The following DSCAM variants were observed in gnomAD, a reference collection of about 807,000 sequenced individuals.
DSCAM encodes DS cell adhesion molecule, also known as cell adhesion molecule DSCAM.
DSCAM carries 47 observed loss-of-function variants against 217.7 expected under a neutral mutation model. The observed-to-expected ratio is 0.22, with a 90% CI of 0.17 to 0.28. The LOEUF (loss-of-function observed/expected upper bound fraction) is 0.28. DSCAM is among the 10% of genes least tolerant of loss of function. The pLI is 1.00. For missense variants in DSCAM, 2,080 were observed against 2,618.3 expected (o/e 0.79, Z 4.49); for synonymous variants, 1,056 against 1,015.3 (o/e 1.04, Z -0.76).
chr21:40,689,608 C>T (rs1242931053), intron 3 of DSCAM, among the ~76,000 whole-genome samples: 1 of 152,234 alleles, frequency 6.6e-6, no homozygotes, highest in Non-Finnish European at 1.5e-5. Flanking sequence ...CGCTTTTCTC[C>T]ATGGAAAGAA....
chr21:40,057,253 G>A (rs1416123235), intron 28 of DSCAM, among the ~76,000 whole-genome samples: 1 of 152,158 alleles, frequency 6.6e-6, no homozygotes, highest in Non-Finnish European at 1.5e-5. Flanking sequence ...TGGTCTCCAA[G>A]CTCTTTCAAA....
chr21:40,151,015 A>G (rs948449789), intron 16 of DSCAM, among the ~76,000 whole-genome samples: 3 of 152,116 alleles, frequency 2.0e-5, no homozygotes, highest in East Asian at 1.9e-4. Flanking sequence ...ATTGGAGAAG[A>G]CAAATTTCCT....
intron 1 of DSCAM, among the ~76,000 whole-genome samples, chr21:40,725,949 T>C (rs187188688): frequency 6.6e-6 from 1 of 152,146 alleles, no homozygotes; most frequent in East Asian, 1.9e-4. Context: ...AAAAAATGAA[T>C]TAAAAGGTTG....
chr21:40,648,812 T>C (rs191453981), intron 3 of DSCAM, among the ~76,000 whole-genome samples: 4 of 152,290 alleles, frequency 2.6e-5, no homozygotes, highest in African/African-American at 9.6e-5. Context: ...CCCTCTCCAC[T>C]GATAGCTGTT....
chr21:40,288,313 G>T (rs1343156243), intron 10 of DSCAM, among the ~76,000 whole-genome samples: 2 of 152,180 alleles, frequency 1.3e-5, no homozygotes, highest in Admixed American at 1.3e-4. Context: ...CATGGTATTG[G>T]CTGGGAAGAC....
intron 16 of DSCAM, among the ~76,000 whole-genome samples, chr21:40,149,360 C>T (rs2090395482): frequency 6.7e-6 from 1 of 149,044 alleles, no homozygotes; most frequent in South Asian, 2.2e-4. Context: ...CACCACCATC[C>T]ATTACTTCTT....
intron 27 of DSCAM, among the ~76,000 whole-genome samples, chr21:40,070,442 A>C (rs1232515348): frequency 6.8e-6 from 1 of 147,506 alleles, no homozygotes; most frequent in African/African-American, 2.7e-5. Context: ...AAAGACAAAG[A>C]GAAAGAAAGA....
chr21:40,844,472 C>A (rs1012531077), intron 1 of DSCAM, among the ~76,000 whole-genome samples: 2 of 152,242 alleles, frequency 1.3e-5, no homozygotes, highest in Admixed American at 6.5e-5. Flanking sequence ...GTAAAATATT[C>A]ATTTGTGTTT....
intron 3 of DSCAM, among the ~76,000 whole-genome samples, chr21:40,552,747 A>C (rs979106235): frequency 2.0e-5 from 3 of 152,174 alleles, no homozygotes; most frequent in Non-Finnish European, 2.9e-5. Flanking sequence ...CATATACACA[A>C]TGTTTATGTA....
intron 3 of DSCAM, among the ~76,000 whole-genome samples, chr21:40,649,634 T>TG (rs889625514): frequency 2.9e-5 from 4 of 140,196 alleles, no homozygotes; most frequent in African/African-American, 5.1e-5. Context: ...TATGCAGGGG[T>TG]GGAAAAAAAC....
chr21:40,696,652 G>C (rs1056635722), intron 2 of DSCAM, among the ~76,000 whole-genome samples: 1 of 152,094 alleles, frequency 6.6e-6, no homozygotes, highest in Non-Finnish European at 1.5e-5. Context: ...GATGCCAGTA[G>C]GGTCCACTGC....
At chr21:40,652,146 C>A (rs775182726) in intron 3 of DSCAM, among the ~76,000 whole-genome samples, 7 of 136,158 alleles carry the variant, frequency 5.1e-5, no homozygotes, top group Non-Finnish European at 9.4e-5. Flanking sequence ...CACACTGGGG[C>A]CTGTTGAAGG....
At chr21:40,805,667 C>A (rs2123517334) in intron 1 of DSCAM, among the ~76,000 whole-genome samples, 1 of 151,820 alleles carries the variant, frequency 6.6e-6, no homozygotes, top group African/African-American at 2.4e-5. Flanking sequence ...CAGCCCATAC[C>A]ATAGTAAATG....
intron 3 of DSCAM, among the ~76,000 whole-genome samples, chr21:40,641,696 T>G (rs2089880873): frequency 6.6e-6 from 1 of 152,180 alleles, no homozygotes; most frequent in Non-Finnish European, 1.5e-5. Flanking sequence ...TTGACTCCTA[T>G]TTGGTGGATT....
intron 3 of DSCAM, among the ~76,000 whole-genome samples, chr21:40,481,970 C>T (rs2075987104): frequency 2.6e-5 from 4 of 152,198 alleles, no homozygotes; most frequent in South Asian, 4.1e-4. Context: ...CCCATAGAGG[C>T]GATTCGCCGT....
intron 20 of DSCAM, among the ~76,000 whole-genome samples, chr21:40,116,088 G>A (rs2089966740): frequency 6.8e-6 from 1 of 147,074 alleles, no homozygotes. Context: ...ACTTGTATGT[G>A]GTAGCTAAAT....
In DSCAM at chr21:40,027,246, A is replaced by G. The variant is rs374258721; in HGVS notation, c.5687-13860T>C. On this transcript the variant is annotated intron_variant, in intron 32 of 32. Coordinates refer to ENST00000400454, the MANE Select transcript of DSCAM (RefSeq NM_001389.5). The stretch of plus-strand genomic sequence containing the variant: ...TTGTAGGGTTTCTGCCGAGAGATCC[A>G]CTGTTAGTCTGATGGGCTTCCCTTT... Among the ~76,000 whole-genome samples, 10 of 152,394 alleles carry G rather than the reference A, an allele frequency of 6.6e-5. No homozygotes were observed. The South Asian group carries it at 8.3e-4, about 13-fold the overall frequency.
chr21:40,581,001 C>A (rs2076901178), intron 3 of DSCAM, among the ~76,000 whole-genome samples: 1 of 151,894 alleles, frequency 6.6e-6, no homozygotes, highest in African/African-American at 2.4e-5. Flanking sequence ...TGATAAAATA[C>A]AAAACAACAA....
chr21:40,718,002 AG>A (rs1053156712), intron 1 of DSCAM, among the ~76,000 whole-genome samples: 4 of 152,178 alleles, frequency 2.6e-5, no homozygotes, highest in Non-Finnish European at 5.9e-5. Flanking sequence ...GGGAGAAAAA[AG>A]GCCTAATTAT....
Sources: allele counts gnomAD v4.1 joint callset (sites outside exome capture counted in the v4.1 genomes callset), GRCh38; gene constraint gnomAD v4.1.1; transcripts MANE v1.5; gene names NCBI Gene and HGNC (gene_info 2026-07-23, HGNC 2026-07-21).